The following NIBAN1 variants were observed in gnomAD, a reference collection of about 807,000 sequenced individuals.
NIBAN1 encodes protein Niban 1.
Under a neutral mutation model 75.1 loss-of-function variants are expected in NIBAN1, and 81 were observed. The observed-to-expected ratio is 1.08, with a 90% CI of 0.90 to 1.30. NIBAN1 has a LOEUF of 1.30. NIBAN1 is among the 50% of genes most tolerant of loss of function. The probability of loss-of-function intolerance (pLI) is 0.00; values close to 1 mark genes in which losing one functional copy is unlikely to be tolerated. For synonymous variants in NIBAN1, 436 were observed against 424.8 expected (o/e 1.03, Z -0.32); for missense variants, 1,133 against 1,128.1 (o/e 1.00, Z -0.06).
chr1:184,864,897 C>G (rs902461340), intron 5 of NIBAN1, among the ~76,000 whole-genome samples: 1 of 147,820 alleles, frequency 6.8e-6, no homozygotes, highest in African/African-American at 2.5e-5. Context: ...AAAACATTGG[C>G]AGCATTTATA....
chr1:184,823,750 G>C lies in NIBAN1; in HGVS notation c.718-8C>G, dbSNP rs758058811. ...CACCAGGTTACTCAGGATCTGCGCA[G>C]CAGAAGACAGCCCAGAGTCGGTCAG... On this transcript the variant is annotated splice_region_variant and splice_polypyrimidine_tract_variant and intron_variant, in intron 6 of 13. Transcript: ENST00000367511. 1.9e-5 allele frequency: 30 copies of C among 1,613,222 alleles called. No homozygotes were observed. The highest frequency in any genetic ancestry group is 2.5e-5 in the Non-Finnish European group (29 of 1,179,330).
intron 5 of NIBAN1, among the ~76,000 whole-genome samples, chr1:184,883,157 C>T (rs1325695934): frequency 6.6e-6 from 1 of 152,134 alleles, no homozygotes; most frequent in Non-Finnish European, 1.5e-5. Context: ...GTGAAATTAA[C>T]CATATTAGGA....
chr1:184,864,669 A>G (rs1438948895), intron 5 of NIBAN1, among the ~76,000 whole-genome samples: 6 of 152,132 alleles, frequency 3.9e-5, no homozygotes, highest in African/African-American at 1.4e-4. Context: ...ATTAAAAAAT[A>G]ATATTTTATT....
chr1:184,869,366 A>G (rs1480015696), intron 5 of NIBAN1, among the ~76,000 whole-genome samples: 1 of 152,164 alleles, frequency 6.6e-6, no homozygotes, highest in Non-Finnish European at 1.5e-5. Flanking sequence ...GAAATGCAAA[A>G]CTCAGTAAAG....
chr1:184,967,463 G>T (rs1475694808), intron 1 of NIBAN1, among the ~76,000 whole-genome samples: 3 of 152,130 alleles, frequency 2.0e-5, no homozygotes, highest in South Asian at 4.1e-4. Context: ...GGAGATTAAA[G>T]TTCACTGCCA....
At chr1:184,950,964 A>T (rs1458747965) in intron 1 of NIBAN1, among the ~76,000 whole-genome samples, 1 of 152,196 alleles carries the variant, frequency 6.6e-6, no homozygotes, top group Non-Finnish European at 1.5e-5. Context: ...AATAACCTTC[A>T]AGGTATCCAT....
intron 2 of NIBAN1, among the ~76,000 whole-genome samples, chr1:184,897,651 T>C (rs889761259): frequency 6.6e-6 from 1 of 152,190 alleles, no homozygotes; most frequent in Admixed American, 6.5e-5. Context: ...CTATTCAACA[T>C]TTCCACACTA....
At chr1:184,973,868 C>T (rs1392867999) in intron 1 of NIBAN1, among the ~76,000 whole-genome samples, 1 of 152,270 alleles carries the variant, frequency 6.6e-6, no homozygotes, top group Non-Finnish European at 1.5e-5. Context: ...GCCAACATTA[C>T]TAAGAGGGAA....
chr1:184,957,546 T>C (rs896013571), intron 1 of NIBAN1, among the ~76,000 whole-genome samples: 3 of 152,204 alleles, frequency 2.0e-5, no homozygotes, highest in African/African-American at 2.4e-5. Flanking sequence ...TATTCAGCAG[T>C]ATGTGAAAGC....
At chr1:184,962,247 AAC>A (rs1041514634) in intron 1 of NIBAN1, among the ~76,000 whole-genome samples, 135 of 152,358 alleles carry the variant, frequency 8.9e-4, no homozygotes, top group African/African-American at 3.2e-3. Context: ...TGATTTTAAA[AAC>A]AGTTTGTTCA....
intron 6 of NIBAN1, among the ~76,000 whole-genome samples, chr1:184,825,340 A>G (rs1349934792): frequency 6.6e-6 from 1 of 152,218 alleles, no homozygotes; most frequent in Non-Finnish European, 1.5e-5. Flanking sequence ...AAGTTGTTGT[A>G]TACTGTTAGC....
At chr1:184,884,855 A>C (rs771679776) in intron 4 of NIBAN1, 55 bp from the exon 5 acceptor site, 346 of 1,584,042 alleles carry the variant, frequency 2.2e-4, no homozygotes, top group Non-Finnish European at 2.9e-4. Context: ...TTTTATTTCA[A>C]ATGTGTGTTT....
At chr1:184,815,658 T>C (rs1245972965) in intron 9 of NIBAN1, among the ~76,000 whole-genome samples, 1 of 152,206 alleles carries the variant, frequency 6.6e-6, no homozygotes, top group African/African-American at 2.4e-5. Context: ...TTGTGAAGGA[T>C]TTTGCAGCCA....
intron 1 of NIBAN1, among the ~76,000 whole-genome samples, chr1:184,940,594 T>C (rs1658066363): frequency 6.6e-6 from 1 of 152,194 alleles, no homozygotes; most frequent in Non-Finnish European, 1.5e-5. Flanking sequence ...TATACCACAG[T>C]GTATTTTGGT....
intron 5 of NIBAN1, among the ~76,000 whole-genome samples, chr1:184,883,808 TAA>T: frequency 6.6e-6 from 1 of 152,284 alleles, no homozygotes; most frequent in Admixed American, 6.5e-5. Context: ...TTATGAGCCC[TAA>T]AGTTTTAAGA....
In NIBAN1 at chr1:184,968,055, T is replaced by G; in HGVS notation, c.55+6247A>C. Reference sequence around the variant, plus strand: ...CGTCTCTACTAAAAATACAAAAAATTAGCCGGGCGCGGTGGCGGGGGCCTG... The same window carrying G: ...CGTCTCTACTAAAAATACAAAAAATGAGCCGGGCGCGGTGGCGGGGGCCTG... On this transcript the variant is annotated intron_variant, in intron 1 of 13. Transcript: ENST00000367511. 3.9e-5 allele frequency among the ~76,000 whole-genome samples: 2 copies of G among 51,802 alleles called. 1 individual carries two copies. Among genetic ancestry groups the G allele is most frequent in the Non-Finnish European group, 9.9e-5 (2 of 20,144 alleles). 34.0% of individuals were successfully genotyped at this position (51,802 alleles called of 152,430 possible).
At chr1:184,816,437 C>T (rs889141926) in intron 9 of NIBAN1, among the ~76,000 whole-genome samples, 4 of 152,154 alleles carry the variant, frequency 2.6e-5, no homozygotes, top group African/African-American at 4.8e-5. Context: ...GGCACTAAGG[C>T]CCTAAGTTTT....
chr1:184,837,908 T>C (rs552680625), intron 5 of NIBAN1, among the ~76,000 whole-genome samples: 1 of 152,366 alleles, frequency 6.6e-6, no homozygotes, highest in Admixed American at 6.5e-5. Context: ...CTTTTGAATC[T>C]TTTTAATTTG....
intron 1 of NIBAN1, among the ~76,000 whole-genome samples, chr1:184,902,665 A>G (rs557534160): frequency 5.9e-5 from 9 of 152,310 alleles, no homozygotes; most frequent in Non-Finnish European, 1.2e-4. Context: ...GCAGGCTCCA[A>G]ACAAATACAA....
Sources: allele counts gnomAD v4.1 joint callset (sites outside exome capture counted in the v4.1 genomes callset), GRCh38; gene constraint gnomAD v4.1.1; transcripts MANE v1.5; gene names NCBI Gene and HGNC (gene_info 2026-07-23, HGNC 2026-07-21).